PEAK1: variants seen among roughly 807,000 people sequenced by gnomAD.
PEAK1 encodes the protein pseudopodium enriched atypical kinase 1, also known as inactive tyrosine-protein kinase PEAK1.
Under a neutral mutation model 124.7 loss-of-function variants are expected in PEAK1, and 54 were observed. The observed-to-expected ratio is 0.43, with a 90% CI of 0.35 to 0.54. The LOEUF (loss-of-function observed/expected upper bound fraction) is 0.54, where lower values mean the gene tolerates loss of function less well. Ranked by LOEUF, PEAK1 falls within the 20% of genes least tolerant of loss-of-function variation. The pLI, the probability that PEAK1 is intolerant of heterozygous loss-of-function variation, is 0.01. For missense variants in PEAK1, 2,046 were observed against 2,134.5 expected (o/e 0.96, Z 0.82); for synonymous variants, 719 against 760.0 (o/e 0.95, Z 0.89).
intron 2 of PEAK1, chr15:77,348,096 GA>G (rs1416241100): frequency 3.3e-5 from 32 of 975,374 alleles, no homozygotes; most frequent in Non-Finnish European, 3.3e-5. Context: ...TTCATCTAGA[GA>G]AAAAAAGAAA....
intron 1 of PEAK1, among the ~76,000 whole-genome samples, chr15:77,398,891 T>C (rs908393842): frequency 6.6e-6 from 1 of 151,954 alleles, no homozygotes; most frequent in East Asian, 1.9e-4. Context: ...AAAACTATTA[T>C]AACTAATAAA....
chr15:77,199,630 G>T (rs907720962), intron 6 of PEAK1, among the ~76,000 whole-genome samples: 2 of 152,232 alleles, frequency 1.3e-5, no homozygotes, highest in African/African-American at 4.8e-5. Context: ...GTTAATCAAA[G>T]AAATCATGAC....
At chr15:77,254,598 A>C (rs1204681903) in intron 5 of PEAK1, among the ~76,000 whole-genome samples, 3 of 152,002 alleles carry the variant, frequency 2.0e-5, no homozygotes, top group Non-Finnish European at 4.4e-5. Flanking sequence ...ATGCTCTGCT[A>C]ATTTTTACAT....
intron 5 of PEAK1, chr15:77,255,517 A>T (rs1392770174): frequency 3.0e-6 from 1 of 335,170 alleles, no homozygotes; most frequent in African/African-American, 2.2e-5. Flanking sequence ...GCAAACAAGA[A>T]AAATATTCCC....
intron 6 of PEAK1, among the ~76,000 whole-genome samples, chr15:77,233,934 T>C (rs1466460836): frequency 2.0e-5 from 3 of 152,168 alleles, no homozygotes; most frequent in Non-Finnish European, 4.4e-5. Context: ...GGCATGATCA[T>C]AGCTCCCTTC....
At position 77,350,650 on chromosome 15, in the gene PEAK1, A is replaced by G. The variant is rs2067153770; in HGVS notation, c.-603+14513T>C. The G allele has an allele frequency of 1.9e-5, 19 of 985,044 alleles. No homozygotes were observed. The South Asian group carries it at 7.5e-4, about 39-fold the overall frequency. The allele number at this position is 985,044 out of a possible 1,614,324, so 61.0% of individuals were successfully genotyped here. A position where few individuals can be genotyped will look rare whatever the true frequency, so the allele number is the denominator to read the frequency against. On this transcript the variant is annotated intron_variant, in intron 2 of 9. Coordinates refer to ENST00000682557, the MANE Select transcript of PEAK1 (RefSeq NM_001385026.1). Reference sequence around the variant, plus strand: ...AACAAGGCCCAGCTTGTGACATAGCATCACTACAGATCCCCCTACAGCTCA... The same window carrying G: ...AACAAGGCCCAGCTTGTGACATAGCGTCACTACAGATCCCCCTACAGCTCA...
intron 1 of PEAK1, among the ~76,000 whole-genome samples, chr15:77,399,520 T>C (rs2071177190): frequency 6.6e-6 from 1 of 152,032 alleles, no homozygotes; most frequent in African/African-American, 2.4e-5. Flanking sequence ...AATGCATACA[T>C]CTACAGTGAA....
chr15:77,277,659 A>G (rs2062406707), intron 5 of PEAK1, among the ~76,000 whole-genome samples: 1 of 152,200 alleles, frequency 6.6e-6, no homozygotes, highest in Non-Finnish European at 1.5e-5. Flanking sequence ...TAATAGGATC[A>G]CCATACCTGT....
At chr15:77,346,202 T>C in intron 2 of PEAK1, 1 of 953,332 alleles carries the variant, frequency 1.0e-6, no homozygotes, top group East Asian at 1.2e-4. Context: ...CATAATAAAG[T>C]CATTTCAATA....
intron 5 of PEAK1, among the ~76,000 whole-genome samples, chr15:77,276,731 C>T (rs1221947983): frequency 6.6e-6 from 1 of 151,914 alleles, no homozygotes; most frequent in Non-Finnish European, 1.5e-5. Flanking sequence ...TTATGTTTGA[C>T]TGTTGAAGCA....
chr15:77,329,591 G>A (rs1443526104), intron 2 of PEAK1, among the ~76,000 whole-genome samples: 1 of 151,906 alleles, frequency 6.6e-6, no homozygotes, highest in Admixed American at 6.6e-5. Flanking sequence ...TAAGTCAGAG[G>A]AAAAAAATCA....
chr15:77,332,204 CAATGCA>C (rs2153033330), intron 2 of PEAK1: 1 of 979,372 alleles, frequency 1.0e-6, no homozygotes, highest in South Asian at 4.7e-5. Context: ...TCCTCACTAA[CAATGCA>C]TATGTGAGTC....
At chr15:77,350,790 T>A (rs1411025212) in intron 2 of PEAK1, 55 of 980,824 alleles carry the variant, frequency 5.6e-5, no homozygotes, top group Non-Finnish European at 6.4e-5. Context: ...ACCTATTTTG[T>A]TTTTTATTCA....
chr15:77,418,552 A>G, intron 1 of PEAK1: 6 of 985,162 alleles, frequency 6.1e-6, no homozygotes, highest in Non-Finnish European at 7.2e-6. Context: ...CTCAACTTTG[A>G]AGCCAAGAAA....
intron 2 of PEAK1, chr15:77,333,905 C>G (rs2066040282): frequency 2.3e-6 from 1 of 430,544 alleles, no homozygotes; most frequent in African/African-American, 2.2e-5. Flanking sequence ...AATTTCAGAC[C>G]AATTTTGTTA....
intron 1 of PEAK1, among the ~76,000 whole-genome samples, chr15:77,393,735 T>C (rs1281889611): frequency 6.6e-6 from 1 of 152,066 alleles, no homozygotes. Context: ...TCCTTCTGCT[T>C]AAGAAAAGGA....
chr15:77,308,952 A>C (rs937416341), intron 2 of PEAK1, among the ~76,000 whole-genome samples: 4 of 152,132 alleles, frequency 2.6e-5, no homozygotes, highest in African/African-American at 4.8e-5. Context: ...AAAAAATCCA[A>C]AAAAAGCAGT....
At chr15:77,148,593 C>T (rs1368202099) in intron 8 of PEAK1, among the ~76,000 whole-genome samples, 1 of 152,076 alleles carries the variant, frequency 6.6e-6, no homozygotes, top group Non-Finnish European at 1.5e-5. Context: ...TTCCACTTTA[C>T]ATTTTCTGGC....
intron 6 of PEAK1, among the ~76,000 whole-genome samples, chr15:77,225,440 T>C (rs2059587174): frequency 1.3e-5 from 2 of 151,902 alleles, no homozygotes; most frequent in Middle Eastern, 3.4e-3. Flanking sequence ...AGATAAACCA[T>C]AATGCCAAGC....
Sources: allele counts gnomAD v4.1 joint callset (sites outside exome capture counted in the v4.1 genomes callset), GRCh38; gene constraint gnomAD v4.1.1; transcripts MANE v1.5; gene names NCBI Gene and HGNC (gene_info 2026-07-23, HGNC 2026-07-21).